The following GOT1L1 variants were observed in gnomAD, a reference collection of about 807,000 sequenced individuals.
GOT1L1 encodes the protein aspartate aminotransferase, cytoplasmic 2.
In GOT1L1, 38 loss-of-function variants were observed where a neutral mutation model predicts 43.6. That is an observed-to-expected ratio of 0.87 (90% CI 0.67 to 1.14). GOT1L1 has a LOEUF of 1.14. GOT1L1 is among the 50% of genes most tolerant of loss of function. The pLI, the probability that GOT1L1 is intolerant of heterozygous loss-of-function variation, is 0.00. For synonymous variants in GOT1L1, 183 were observed against 187.2 expected (o/e 0.98, Z 0.18); for missense variants, 482 against 504.0 (o/e 0.96, Z 0.42).
In GOT1L1 at chr8:37,938,714, T is replaced by C; in HGVS notation, c.283A>G (p.Ile95Val). ...ALLFGKHSQA[I>V]VENRVGGVHT... ...CACCTTCTCACCCTGTTCTCCACAA[T>C]GGCTTGGCTGTGCTTTCCAAAGAGG... The change falls in exon 2 of 9, where the codon ATT (isoleucine) becomes GTT (valine). Residue 95 changes from isoleucine (I) to valine (V), a missense_variant. Coordinates refer to ENST00000307599, the MANE Select transcript of GOT1L1 (RefSeq NM_152413.3). The C allele has an allele frequency of 1.3e-6, 2 of 1,588,922 alleles. No individual in the cohort carries two copies. The highest frequency in any genetic ancestry group is 1.7e-6 in the Non-Finnish European group (2 of 1,167,188).
In GOT1L1 at chr8:37,934,427, T is replaced by C; in HGVS notation, c.1132A>G (p.Ile378Val). 1.2e-6 allele frequency: 2 copies of C among 1,613,948 alleles called. No individual in the cohort carries two copies. The highest frequency in any genetic ancestry group is 1.7e-6 in the Non-Finnish European group (2 of 1,179,862). The change falls in exon 9 of 9, where the codon ATT becomes GTT. Residue 378 changes from isoleucine to valine, a missense_variant. By Grantham distance (29) the Ile-to-Val change is conservative. Coordinates refer to ENST00000307599, the MANE Select transcript of GOT1L1 (RefSeq NM_152413.3). ...KHIYIPKNGQINFSCINANNI... is the reference protein window; with the variant it reads ...KHIYIPKNGQVNFSCINANNI... ...TTGGCATTGATACAGCTGAAGTTAA[T>C]CTGACCGTTCTTGGGGATATAGATG...
Position 37,936,846 on chromosome 8 carries a change from C to CA in GOT1L1, c.636dup (p.Asp213Ter), listed in dbSNP as rs947856665. The CA allele has an allele frequency of 1.9e-6, 3 of 1,609,990 alleles. No homozygotes were observed. Among genetic ancestry groups the CA allele is most frequent in the South Asian group, 1.1e-5 (1 of 90,892 alleles). On this transcript the variant is annotated frameshift_variant, in exon 6 of 9. Coordinates refer to ENST00000307599, the MANE Select transcript of GOT1L1 (RefSeq NM_152413.3). LOFTEE classifies it high-confidence loss of function. ...GTGTATAAACCTTGACAGGGAATAT[C>CA]AAAAAATGGGAATATCTGCTTGCTC...
chr8:37,934,963 A>T, intron 8 of GOT1L1, 110 bp downstream of exon 8: 1 of 1,233,672 alleles, frequency 8.1e-7, no homozygotes, highest in Non-Finnish European at 1.1e-6. Flanking sequence ...CAGAGGACAG[A>T]ATCAAAATCT....
chr8:37,936,002 G>A, intron 6 of GOT1L1, 133 bp from the exon 7 acceptor site: 1 of 967,714 alleles, frequency 1.0e-6, no homozygotes. Context: ...CAGCCAGGGT[G>A]ATATTCAGGC....
At chr8:37,936,579 G>C in intron 6 of GOT1L1, 141 bp downstream of exon 6, 1 of 696,664 alleles carries the variant, frequency 1.4e-6, no homozygotes, top group East Asian at 2.6e-5. Context: ...TTCTAGCTCA[G>C]TGCTCCCCAC....
intron 1 of GOT1L1, 77 bp from the exon 2 acceptor site, chr8:37,938,958 A>G: frequency 3.7e-6 from 5 of 1,338,496 alleles, no homozygotes; most frequent in Admixed American, 3.8e-5. Context: ...ACAGCCTGCA[A>G]ACAAATCTCT....
Position 37,938,831 on chromosome 8 carries a change from T to A in GOT1L1, c.166A>T (p.Thr56Ser). 2 of 1,613,784 alleles carry A rather than the reference T, an allele frequency of 1.2e-6. No homozygotes were observed. Among genetic ancestry groups the A allele is most frequent in the Non-Finnish European group, 1.7e-6 (2 of 1,179,812 alleles). Residue 56 changes from threonine (T) to serine (S), a missense_variant, in exon 2 of 9, where the codon ACT becomes TCT. Thr to Ser is a moderately conservative substitution (Grantham distance 58). Coordinates refer to ENST00000307599, the MANE Select transcript of GOT1L1 (RefSeq NM_152413.3). ...HPWVSLVVQK[T>S]RLQISQDPSL... ...GGATCCTGTGAAATCTGTAGTCGAG[T>A]CTTCTGCACCACGAGAGAAACCCAG...
At position 37,940,115 on chromosome 8, in the gene GOT1L1, G is replaced by A. The variant is rs551716945; in HGVS notation, c.-86C>T. On this transcript the variant is annotated 5_prime_UTR_variant, in exon 1 of 9. Coordinates refer to ENST00000307599, the MANE Select transcript of GOT1L1 (RefSeq NM_152413.3). Reference sequence around the variant, plus strand: ...AGAAGTCTTCCTCCAAGGCTGGGCCGGGCAGTCCTGCCTCTTCCTGGAACC... The same window carrying A: ...AGAAGTCTTCCTCCAAGGCTGGGCCAGGCAGTCCTGCCTCTTCCTGGAACC... 6.4e-5 allele frequency: 95 copies of A among 1,483,820 alleles called. 1 individual carries two copies. The African/African-American group carries it at 1.2e-3, about 19-fold the overall frequency. The allele number at this position is 1,483,820 out of a possible 1,614,324, so 91.9% of individuals were successfully genotyped here.
intron 6 of GOT1L1, among the ~76,000 whole-genome samples, chr8:37,936,430 A>C (rs1807757436): frequency 6.6e-6 from 1 of 152,042 alleles, no homozygotes; most frequent in Non-Finnish European, 1.5e-5. Context: ...AGGAGGTGTC[A>C]ACTGGGATTA....
Position 37,934,844 on chromosome 8 carries a change from G to C in GOT1L1, c.1072+229C>G, listed in dbSNP as rs552325851. On this transcript the variant is annotated intron_variant, in intron 8 of 8. Coordinates refer to ENST00000307599, the MANE Select transcript of GOT1L1 (RefSeq NM_152413.3). ...ACCCGCCTCGGCCTCTCAAAGTGTTGGGATTACAGGCATGAGCCACTGCAC... is the reference window on the plus strand; with the variant it reads ...ACCCGCCTCGGCCTCTCAAAGTGTTCGGATTACAGGCATGAGCCACTGCAC... The C allele has an allele frequency of 6.0e-5, 35 of 585,902 alleles. No homozygotes were observed. The South Asian group carries it at 7.9e-4, about 13-fold the overall frequency. The allele number at this position is 585,902 out of a possible 1,614,324, so 36.3% of individuals were successfully genotyped here. A position where few individuals can be genotyped will look rare whatever the true frequency, so the allele number is the denominator to read the frequency against.
At chr8:37,937,165 G>A in intron 4 of GOT1L1, 108 bp from the exon 5 acceptor site, 1 of 1,276,502 alleles carries the variant, frequency 7.8e-7, no homozygotes, top group South Asian at 1.3e-5. Context: ...TGAAGGGCCA[G>A]GCAAATTCAA....
intron 8 of GOT1L1, 57 bp downstream of exon 8, chr8:37,935,016 T>A (rs764412663): frequency 6.3e-7 from 1 of 1,589,128 alleles, no homozygotes. Context: ...TGAAGTTTAA[T>A]GCTCAAATAC....
Position 37,938,075 on chromosome 8 carries a change from A to G in GOT1L1, c.298-326T>C, listed in dbSNP as rs1482551676. On this transcript the variant is annotated intron_variant, in intron 2 of 8. Transcript: ENST00000307599. Reference sequence around the variant, plus strand: ...ATAAGTAAATAAACATTAAAAAATAAAAAGAAATAGACAGAAATAACACTC... The same window carrying G: ...ATAAGTAAATAAACATTAAAAAATAGAAAGAAATAGACAGAAATAACACTC... Among the ~76,000 whole-genome samples, 136 of 151,556 alleles carry G rather than the reference A, an allele frequency of 9.0e-4. 1 individual carries two copies. Among genetic ancestry groups the G allele is most frequent in the Non-Finnish European group, 1.2e-4 (8 of 67,842 alleles).
chr8:37,934,612 C>G, intron 8 of GOT1L1, 126 bp from the exon 9 acceptor site: 1 of 760,862 alleles, frequency 1.3e-6, no homozygotes, highest in Non-Finnish European at 2.2e-6. Flanking sequence ...CTCTTGTTGC[C>G]CAGGCTGGAG....
At chr8:37,934,937 A>T in intron 8 of GOT1L1, 136 bp downstream of exon 8, 1 of 992,090 alleles carries the variant, frequency 1.0e-6, no homozygotes, top group Non-Finnish European at 1.5e-6. Flanking sequence ...AAGTGTCTTT[A>T]AAGCAGCCCA....
In GOT1L1 at chr8:37,934,445, T is replaced by C; in HGVS notation, c.1114A>G (p.Ile372Val). 1.2e-6 allele frequency: 2 copies of C among 1,613,952 alleles called. No homozygotes were observed. Among genetic ancestry groups the C allele is most frequent in the Non-Finnish European group, 1.7e-6 (2 of 1,179,858 alleles). The change falls in exon 9 of 9, where the codon ATC becomes GTC. Residue 372 changes from isoleucine (I) to valine (V), a missense_variant. Coordinates refer to ENST00000307599, the MANE Select transcript of GOT1L1 (RefSeq NM_152413.3). ...EYLVRKKHIY[I>V]PKNGQINFSC... ...AAGTTAATCTGACCGTTCTTGGGGATATAGATGTGCTTCTTCCTGACCAGG... is the reference window on the plus strand; with the variant it reads ...AAGTTAATCTGACCGTTCTTGGGGACATAGATGTGCTTCTTCCTGACCAGG...
Position 37,938,758 on chromosome 8 carries a change from A to G in GOT1L1, c.239T>C (p.Ile80Thr), listed in dbSNP as rs989590928. ...AAAGAGGAGTGCTAGAGAGGCCTGG[A>G]TGAATGATTTCAGGCCCATGGTGGG... ...YLPTMGLKSF[I>T]QASLALLFGK... The change falls in exon 2 of 9, where the codon ATC becomes ACC. Residue 80 changes from isoleucine (I) to threonine (T), a missense_variant. Ile to Thr is a moderately conservative substitution (Grantham distance 89). Coordinates refer to ENST00000307599, the MANE Select transcript of GOT1L1 (RefSeq NM_152413.3). 1 of 1,609,024 alleles carries G rather than the reference A, an allele frequency of 6.2e-7. No homozygotes were observed. The highest frequency in any genetic ancestry group is 1.3e-5 in the African/African-American group (1 of 74,868).
intron 1 of GOT1L1, among the ~76,000 whole-genome samples, chr8:37,939,431 A>AAAAAAATAT (rs1237987679): frequency 1.9e-4 from 8 of 41,708 alleles, no homozygotes; most frequent in Non-Finnish European, 2.7e-4. Flanking sequence ...AAAAAAAAAA[A>AAAAAAATAT]ATATATATAT....
In GOT1L1 at chr8:37,937,275, A is replaced by G. The variant is rs760149854; in HGVS notation, c.519+2T>C. 8 of 1,579,748 alleles carry G rather than the reference A, an allele frequency of 5.1e-6. No individual in the cohort carries two copies. The South Asian group carries it at 8.2e-5, about 16-fold the overall frequency. ...AGGAGTTTCTGAGCGGGGCCCCTCT[A>G]CCTCCACCACATTGAGGAGTATGTC... is the stretch of plus-strand genomic sequence containing the variant. On this transcript the variant is annotated splice_donor_variant, in intron 4 of 8. Transcript: ENST00000307599. LOFTEE classifies it high-confidence loss of function.
Sources: allele counts gnomAD v4.1 joint callset (sites outside exome capture counted in the v4.1 genomes callset), GRCh38; gene constraint gnomAD v4.1.1; transcripts MANE v1.5; gene names NCBI Gene and HGNC (gene_info 2026-07-23, HGNC 2026-07-21).